IMMT: variants seen among roughly 807,000 people sequenced by gnomAD.
IMMT encodes inner membrane mitochondrial protein.
A neutral mutation model predicts 92.7 loss-of-function variants in IMMT; 40 were observed. That is an observed-to-expected ratio of 0.43 (90% confidence interval 0.34 to 0.56). The LOEUF (loss-of-function observed/expected upper bound fraction) is 0.56, where lower values mean the gene tolerates loss of function less well. Ranked by LOEUF, IMMT falls within the 20% of genes least tolerant of loss-of-function variation. IMMT has a pLI of 0.03. For synonymous variants in IMMT, 322 were observed against 336.1 expected, an observed-to-expected ratio of 0.96 and a Z score of 0.46; for missense variants, 831 against 912.1, an observed-to-expected ratio of 0.91 and a Z score of 1.14.
chr2:86,195,349 C>T lies in IMMT; in HGVS notation c.34G>A (p.Ala12Thr), dbSNP rs1673468092. 1 of 1,549,240 alleles carries T rather than the reference C, an allele frequency of 6.5e-7. No homozygotes were observed. Among genetic ancestry groups the T allele is most frequent in the Non-Finnish European group, 8.7e-7 (1 of 1,146,170 alleles). The change falls in exon 1 of 15, where the codon GCC becomes ACC. Residue 12 changes from alanine (A) to threonine (T), a missense_variant. Transcript: ENST00000410111. The part of the protein sequence containing the change: ...LRACQLSGVT[A>T]AAQSCLCGKF... ...GCCCCAGTGCTCACCTGGGCGGCGG[C>T]GGTCACACCCGATAACTGACAGGCC... is the stretch of plus-strand genomic sequence containing the variant.
rs1237439912 is a variant in IMMT, at chr2:86,146,456, C to T, written c.1534-259G>A. Reference sequence around the variant, plus strand: ...CACAATCTTGGCTCACTGCAACCTCCGCCTCCCAGATTCAAGTGATTCTCC... The same window carrying T: ...CACAATCTTGGCTCACTGCAACCTCTGCCTCCCAGATTCAAGTGATTCTCC... On this transcript the variant is annotated intron_variant, in intron 13 of 14. Transcript: ENST00000410111. 3.3e-5 allele frequency among the ~76,000 whole-genome samples: 5 copies of T among 151,974 alleles called. No homozygotes were observed. In the South Asian group the frequency reaches 1.0e-3, roughly 32 times the overall value.
intron 10 of IMMT, chr2:86,158,305 CAAATT>C: frequency 4.6e-6 from 1 of 216,782 alleles, no homozygotes; most frequent in South Asian, 1.1e-4. Context: ...TTTGTTCACT[CAAATT>C]CCAAACTTTT....
chr2:86,166,460 C>A (rs760082006), intron 7 of IMMT, 48 bp downstream of exon 7: 45 of 1,544,182 alleles, frequency 2.9e-5, no homozygotes, highest in Non-Finnish European at 3.9e-5. Flanking sequence ...TCTTTTTGTC[C>A]TCCAAGTCAT....
chr2:86,180,716 G>A (rs566553275), intron 2 of IMMT, among the ~76,000 whole-genome samples: 4 of 151,570 alleles, frequency 2.6e-5, no homozygotes, highest in African/African-American at 4.8e-5. Flanking sequence ...GTGAAACCCC[G>A]TCTCTACTAA....
At chr2:86,158,104 T>G (rs137948916) in intron 10 of IMMT, among the ~76,000 whole-genome samples, 1 of 152,210 alleles carries the variant, frequency 6.6e-6, no homozygotes, top group African/African-American at 2.4e-5. Context: ...AGGAAGTGGA[T>G]AGCCAGACAG....
intron 1 of IMMT, among the ~76,000 whole-genome samples, chr2:86,190,055 A>G (rs1673024122): frequency 1.3e-5 from 2 of 152,230 alleles, no homozygotes; most frequent in African/African-American, 4.8e-5. Context: ...TATATTTTGT[A>G]TGTTATCACT....
chr2:86,191,747 C>CAAAAAAAA (rs572412565), intron 1 of IMMT, among the ~76,000 whole-genome samples: 13 of 116,852 alleles, frequency 1.1e-4, no homozygotes, highest in African/African-American at 2.1e-4. Flanking sequence ...ACTAAAAATA[C>CAAAAAAAA]AAAAAAAAAA....
chr2:86,152,480 GCC>G (rs1675540781), intron 11 of IMMT, among the ~76,000 whole-genome samples: 1 of 148,058 alleles, frequency 6.8e-6, no homozygotes, highest in Non-Finnish European at 1.5e-5. Flanking sequence ...GGCTCCACCG[GCC>G]AGACACAGTA....
intron 1 of IMMT, among the ~76,000 whole-genome samples, chr2:86,185,147 G>A (rs1026123782): frequency 6.6e-6 from 1 of 151,792 alleles, no homozygotes; most frequent in Non-Finnish European, 1.5e-5. Flanking sequence ...GCCAGCCTGG[G>A]TGACAGAGCC....
At chr2:86,192,202 C>A (rs954320450) in intron 1 of IMMT, among the ~76,000 whole-genome samples, 5 of 152,154 alleles carry the variant, frequency 3.3e-5, no homozygotes, top group Non-Finnish European at 7.4e-5. Flanking sequence ...TGCTGTACTC[C>A]AGCCTGGGCA....
rs1251978275 is a variant in IMMT, at chr2:86,158,572, A to T, written c.1162+20T>A. The T allele has an allele frequency of 6.4e-7, 1 of 1,562,218 alleles. No individual in the cohort carries two copies. The highest frequency in any genetic ancestry group is 8.7e-7 in the Non-Finnish European group (1 of 1,147,750). On this transcript the variant is annotated intron_variant, in intron 10 of 14. Coordinates refer to ENST00000410111, the MANE Select transcript of IMMT (RefSeq NM_006839.3). The stretch of plus-strand genomic sequence containing the variant: ...GTGGTTAAAACATCAAAAAAAAAAC[A>T]TTACTTCAGTTGTACTCACTCATTC...
rs769761980 is a variant in IMMT at position 86,144,635 on chromosome 2, G to C, written c.1910C>G (p.Ala637Gly). Residue 637 changes from alanine to glycine, a missense_variant, in exon 15 of 15, where the codon GCT (alanine) becomes GGT (glycine). Physicochemically the swap from Ala to Gly is moderately conservative, Grantham distance 60. Transcript: ENST00000410111. ...TACCCTTCGGGCCAGTTTTTGAACAGCATAGAAACGGGCTCTAAGGGTCTC... is the reference window on the plus strand; with the variant it reads ...TACCCTTCGGGCCAGTTTTTGAACACCATAGAAACGGGCTCTAAGGGTCTC... ...SEETLRARFY[A>G]VQKLARRVAM... The C allele has an allele frequency of 2.2e-5, 35 of 1,613,846 alleles. No homozygotes were observed. Among genetic ancestry groups the C allele is most frequent in the Non-Finnish European group, 3.4e-6 (4 of 1,179,904 alleles).
intron 1 of IMMT, chr2:86,195,036 A>G: frequency 2.7e-6 from 1 of 365,046 alleles, no homozygotes; most frequent in Non-Finnish European, 5.1e-6. Flanking sequence ...GGCGACCCAG[A>G]CGCCAGCAGC....
rs907381895 is a variant in IMMT at position 86,170,828 on chromosome 2, A to T, written c.576T>A (p.Ser192=). ...TPALSEEASS[S]SIRERPPEEV... The stretch of plus-strand genomic sequence containing the variant: ...CTTCAGGTGGTCGCTCCCTTATAGA[A>T]GATGAGGATGCTTCTTCTTGCAGCA... The change falls in exon 6 of 15, where the codon TCT becomes TCA. Residue 192 remains serine (S), a synonymous_variant. Coordinates refer to ENST00000410111, the MANE Select transcript of IMMT (RefSeq NM_006839.3). 2 of 1,582,636 alleles carry T rather than the reference A, an allele frequency of 1.3e-6. No individual in the cohort carries two copies. Among genetic ancestry groups the T allele is most frequent in the Admixed American group, 1.8e-5 (1 of 55,342 alleles).
intron 7 of IMMT, among the ~76,000 whole-genome samples, chr2:86,165,464 ACT>A (rs1676607616): frequency 6.6e-6 from 1 of 152,058 alleles, no homozygotes; most frequent in Non-Finnish European, 1.5e-5. Flanking sequence ...GTCTAATTAA[ACT>A]CTTTTGTAAT....
rs902876590 is a variant in IMMT at position 86,175,794 on chromosome 2, T to C, written c.310-2033A>G. ...AGGTGAGAAAATTAACTTAGATCTG[T>C]ACAGTGAAGGATGCAGCCCCTGAAG... is the stretch of plus-strand genomic sequence containing the variant. On this transcript the variant is annotated intron_variant, in intron 3 of 14. Transcript: ENST00000410111. Among the ~76,000 whole-genome samples the C allele has an allele frequency of 7.9e-5, 12 of 151,216 alleles. No individual in the cohort carries two copies. The East Asian group carries it at 2.3e-3, about 29-fold the overall frequency.
intron 7 of IMMT, among the ~76,000 whole-genome samples, chr2:86,164,241 G>C (rs71337798): frequency 6.6e-6 from 1 of 151,088 alleles, no homozygotes; most frequent in Middle Eastern, 3.2e-3. Flanking sequence ...ATTTTTAGTA[G>C]AAACGGGGTT....
chr2:86,166,903 A>T (rs980006295), intron 6 of IMMT, among the ~76,000 whole-genome samples: 9 of 151,754 alleles, frequency 5.9e-5, no homozygotes, highest in African/African-American at 1.9e-4. Context: ...TTTGAGACCA[A>T]CCTGACCAAT....
At chr2:86,149,352 G>A (rs570754564) in intron 12 of IMMT, among the ~76,000 whole-genome samples, 4 of 152,220 alleles carry the variant, frequency 2.6e-5, no homozygotes, top group Non-Finnish European at 4.4e-5. Flanking sequence ...CTGGAGCAGT[G>A]AAATGGCTCA....
Sources: allele counts gnomAD v4.1 joint callset (sites outside exome capture counted in the v4.1 genomes callset), GRCh38; gene constraint gnomAD v4.1.1; transcripts MANE v1.5; gene names NCBI Gene and HGNC (gene_info 2026-07-23, HGNC 2026-07-21).